Variants in FCRL2 observed in about 807,000 individuals in gnomAD.
The protein encoded by FCRL2 is Fc receptor like 2.
A neutral mutation model predicts 59.8 loss-of-function variants in FCRL2; 48 were observed. The observed-to-expected ratio is 0.80, with a 90% CI of 0.64 to 1.02. FCRL2 has a LOEUF of 1.02. Among genes scored for constraint, FCRL2 ranks in the 50% least tolerant of loss-of-function variants. FCRL2 has a pLI of 0.00. For missense variants in FCRL2, 658 were observed against 597.3 expected (o/e 1.10, Z -1.06); for synonymous variants, 251 against 229.5 (o/e 1.09, Z -0.85).
At chr1:157,775,366 C>T (rs986181386) in intron 2 of FCRL2, among the ~76,000 whole-genome samples, 3 of 152,170 alleles carry the variant, frequency 2.0e-5, no homozygotes, top group Non-Finnish European at 4.4e-5. Flanking sequence ...TCTGACCCTG[C>T]AGAAGTTTGT....
At chr1:157,775,058 C>T (rs2210909) in intron 2 of FCRL2, among the ~76,000 whole-genome samples, 20,415 of 152,082 alleles carry the variant, frequency 0.13, 1,612 homozygotes, top group East Asian at 0.23. Context: ...ATGATTAGAA[C>T]AGTAATACAT....
chr1:157,755,599 T>C (rs1415312312), intron 7 of FCRL2, among the ~76,000 whole-genome samples: 1 of 152,228 alleles, frequency 6.6e-6, no homozygotes, highest in Non-Finnish European at 1.5e-5. Context: ...GGAAAACAAC[T>C]TGAGATCATC....
At chr1:157,747,916 T>C (rs571018234) in intron 10 of FCRL2, among the ~76,000 whole-genome samples, 1 of 152,338 alleles carries the variant, frequency 6.6e-6, no homozygotes, top group South Asian at 2.1e-4. Context: ...TCTTGGACTT[T>C]AGACATGCTC....
chr1:157,767,514 C>T lies in FCRL2; in HGVS notation c.884-5G>A, dbSNP rs57063136. 2.1e-3 allele frequency: 3,411 copies of T among 1,614,230 alleles called. 66 individuals are homozygous for T. In the African/African-American group the frequency reaches 0.041, roughly 19 times the overall value. ...GGACAGGGCGAGACACTGGAACTGA[C>T]AGACACAGAGGGGCTATCAGAAAAG... On this transcript the variant is annotated splice_region_variant and splice_polypyrimidine_tract_variant and intron_variant, in intron 5 of 11. Transcript: ENST00000361516.
At position 157,767,524 on chromosome 1, in the gene FCRL2, G is replaced by A. The variant is rs777058693; in HGVS notation, c.884-15C>T. 3 of 1,614,246 alleles carry A rather than the reference G, an allele frequency of 1.9e-6. No individual in the cohort carries two copies. The highest frequency in any genetic ancestry group is 2.5e-6 in the Non-Finnish European group (3 of 1,180,040). On this transcript the variant is annotated splice_polypyrimidine_tract_variant and intron_variant, in intron 5 of 11. Coordinates refer to ENST00000361516, the MANE Select transcript of FCRL2 (RefSeq NM_030764.4). ...AGACACTGGAACTGACAGACACAGA[G>A]GGGCTATCAGAAAAGATTTGTGATG...
At chr1:157,769,818 T>C in intron 4 of FCRL2, 48 bp downstream of exon 4, 1 of 1,587,508 alleles carries the variant, frequency 6.3e-7, no homozygotes. Context: ...GCTGAAGCTA[T>C]AACACTCCTA....
At chr1:157,749,590 A>T (rs1648026461) in intron 8 of FCRL2, 60 bp downstream of exon 8, 23 of 1,222,666 alleles carry the variant, frequency 1.9e-5, no homozygotes, top group Non-Finnish European at 3.6e-6. Context: ...TACAGTAGGT[A>T]TTTAAAACTG....
At chr1:157,754,965 C>CAA (rs200403779) in intron 7 of FCRL2, among the ~76,000 whole-genome samples, 1 of 134,122 alleles carries the variant, frequency 7.5e-6, no homozygotes, top group Admixed American at 7.6e-5. Flanking sequence ...GACTCTGTCT[C>CAA]AAAAAAAAAA....
chr1:157,756,172 T>G (rs1648574357), intron 7 of FCRL2, among the ~76,000 whole-genome samples: 1 of 152,210 alleles, frequency 6.6e-6, no homozygotes, highest in East Asian at 1.9e-4. Flanking sequence ...GCCTTGTCCT[T>G]ATATTTCTAT....
At chr1:157,767,100 T>G in intron 6 of FCRL2, 129 bp from the exon 7 acceptor site, 1 of 1,322,108 alleles carries the variant, frequency 7.6e-7, no homozygotes, top group Non-Finnish European at 1.0e-6. Context: ...ACTCTTCAGG[T>G]TAGTGTGGGG....
intron 5 of FCRL2, chr1:157,767,844 T>C: frequency 3.0e-6 from 2 of 661,986 alleles, no homozygotes; most frequent in Non-Finnish European, 4.6e-6. Flanking sequence ...TCTATAATAT[T>C]ATAGTTGTTC....
rs147447962 is a variant in FCRL2 at position 157,770,054 on chromosome 1, C to T, written c.407G>A (p.Arg136Lys). The change falls in exon 4 of 12, where the codon AGG becomes AAG. Residue 136 changes from arginine to lysine, a missense_variant. Coordinates refer to ENST00000361516, the MANE Select transcript of FCRL2 (RefSeq NM_030764.4). ...GCAGAACTGGAGTTGAACATCCAAC[C>T]TCTGTGGAGAGAGCCGGGTCTCACA... ...LKCETRLSPQ[R>K]LDVQLQFCFF... The T allele has an allele frequency of 4.8e-5, 78 of 1,614,066 alleles. No individual in the cohort carries two copies. The highest frequency in any genetic ancestry group is 6.2e-5 in the Non-Finnish European group (73 of 1,180,040).
intron 7 of FCRL2, among the ~76,000 whole-genome samples, chr1:157,755,975 G>A (rs921207561): frequency 2.0e-5 from 3 of 152,112 alleles, no homozygotes; most frequent in African/African-American, 7.2e-5. Flanking sequence ...TTTACCAGAT[G>A]TATTTGTAAC....
Position 157,769,859 on chromosome 1 carries a change from T to C in FCRL2, c.595+7A>G. 11 of 1,613,178 alleles carry C rather than the reference T, an allele frequency of 6.8e-6. No individual in the cohort carries two copies. The highest frequency in any genetic ancestry group is 8.5e-6 in the Non-Finnish European group (10 of 1,179,244). On this transcript the variant is annotated splice_region_variant and intron_variant, in intron 4 of 11. Coordinates refer to ENST00000361516, the MANE Select transcript of FCRL2 (RefSeq NM_030764.4). Reference sequence around the variant, plus strand: ...TTTTCTCCAGGCTCAGCCTCACTGATACTTGCTCTGCACGTGAATCTGGGA... The same window carrying C: ...TTTTCTCCAGGCTCAGCCTCACTGACACTTGCTCTGCACGTGAATCTGGGA...
chr1:157,764,601 A>G, intron 7 of FCRL2, among the ~76,000 whole-genome samples: 1 of 152,242 alleles, frequency 6.6e-6, no homozygotes, highest in Non-Finnish European at 1.5e-5. Context: ...CAAATTATTA[A>G]AATCAAAATC....
chr1:157,765,911 A>G (rs1302138266), intron 7 of FCRL2, among the ~76,000 whole-genome samples: 1 of 152,212 alleles, frequency 6.6e-6, no homozygotes, highest in Non-Finnish European at 1.5e-5. Context: ...TGGAGCCTGA[A>G]TCAACATGTT....
At chr1:157,758,759 C>A (rs1306508350) in intron 7 of FCRL2, among the ~76,000 whole-genome samples, 1 of 143,600 alleles carries the variant, frequency 7.0e-6, no homozygotes, top group Non-Finnish European at 1.5e-5. Flanking sequence ...GCTACAATAA[C>A]CAAATAAGAA....
chr1:157,766,316 A>G (rs1221764637), intron 7 of FCRL2, among the ~76,000 whole-genome samples: 1 of 152,014 alleles, frequency 6.6e-6, no homozygotes, highest in African/African-American at 2.4e-5. Flanking sequence ...CTAAAAATAC[A>G]AAAAATTAGC....
chr1:157,746,999 G>A lies in FCRL2; in HGVS notation c.1460-100C>T. On this transcript the variant is annotated intron_variant, in intron 10 of 11. Transcript: ENST00000361516. Reference sequence around the variant, plus strand: ...GGCATAGAACTACTATGCTTAGTATGTGGAATCCCATTTTCTCCTGTTCTG... The same window carrying A: ...GGCATAGAACTACTATGCTTAGTATATGGAATCCCATTTTCTCCTGTTCTG... The A allele has an allele frequency of 3.2e-6, 4 of 1,237,322 alleles. No individual in the cohort carries two copies. The Admixed American group carries it at 5.8e-5, about 18-fold the overall frequency. The allele number at this position is 1,237,322 out of a possible 1,614,324, so 76.6% of individuals were successfully genotyped here. A position where few individuals can be genotyped will look rare whatever the true frequency, so the allele number is the denominator to read the frequency against.
Sources: allele counts gnomAD v4.1 joint callset (sites outside exome capture counted in the v4.1 genomes callset), GRCh38; gene constraint gnomAD v4.1.1; transcripts MANE v1.5; gene names NCBI Gene and HGNC (gene_info 2026-07-23, HGNC 2026-07-21).